NRXN3: variants seen among roughly 807,000 people sequenced by gnomAD.
The protein encoded by NRXN3 is neurexin III.
In NRXN3, 32 loss-of-function variants were observed where a neutral mutation model predicts 137.6. The ratio of observed to expected loss-of-function variants is 0.23; its 90% CI spans 0.18 to 0.31. The LOEUF is 0.31. Ranked by LOEUF, NRXN3 falls within the 10% of genes least tolerant of loss-of-function variation. The pLI, the probability that NRXN3 is intolerant of heterozygous loss-of-function variation, is 1.00. For synonymous variants in NRXN3, 798 were observed against 784.5 expected, an observed-to-expected ratio of 1.02 and a Z score of -0.29; for missense variants, 1,574 against 2,062.5, an observed-to-expected ratio of 0.76 and a Z score of 4.59.
chr14:79,503,350 ATCT>A (rs2096843387), intron 16 of NRXN3, among the ~76,000 whole-genome samples: 1 of 152,130 alleles, frequency 6.6e-6, no homozygotes, highest in Non-Finnish European at 1.5e-5. Context: ...GAATTTACAG[ATCT>A]TCTTGAAGCA....
At chr14:79,657,255 G>A (rs1188006505) in intron 16 of NRXN3, among the ~76,000 whole-genome samples, 2 of 152,092 alleles carry the variant, frequency 1.3e-5, no homozygotes, top group Admixed American at 6.6e-5. Context: ...AAAATAATGT[G>A]GAGCCTCAAT....
intron 4 of NRXN3, among the ~76,000 whole-genome samples, chr14:78,597,200 T>C (rs2097164602): frequency 6.6e-6 from 1 of 152,206 alleles, no homozygotes; most frequent in African/African-American, 2.4e-5. Flanking sequence ...CAGGATCAGC[T>C]GATAAGGAGG....
intron 1 of NRXN3, among the ~76,000 whole-genome samples, chr14:78,180,153 T>A (rs2059686688): frequency 6.6e-6 from 1 of 152,166 alleles, no homozygotes; most frequent in South Asian, 2.1e-4. Context: ...TGGCTTGGTT[T>A]TTAAAATAAA....
intron 15 of NRXN3, among the ~76,000 whole-genome samples, chr14:79,176,178 A>G (rs2062321326): frequency 1.3e-5 from 2 of 152,192 alleles, no homozygotes; most frequent in Non-Finnish European, 2.9e-5. Flanking sequence ...CTGTTATAGC[A>G]ATTCTTAACT....
intron 3 of NRXN3, among the ~76,000 whole-genome samples, chr14:78,296,504 C>T (rs140200926): frequency 6.6e-6 from 1 of 152,126 alleles, no homozygotes; most frequent in African/African-American, 2.4e-5. Flanking sequence ...CTTACTATAC[C>T]CTTCCCCCAC....
chr14:78,611,951 C>T (rs185283454), intron 4 of NRXN3, among the ~76,000 whole-genome samples: 2 of 152,264 alleles, frequency 1.3e-5, no homozygotes, highest in Admixed American at 6.5e-5. Context: ...AAACCCAAGA[C>T]GTCTATCTGC....
intron 16 of NRXN3, among the ~76,000 whole-genome samples, chr14:79,578,808 T>A (rs1399681439): frequency 1.3e-5 from 2 of 152,132 alleles, no homozygotes; most frequent in Non-Finnish European, 2.9e-5. Context: ...AACTTTGTAG[T>A]CAGGGTGGGT....
intron 4 of NRXN3, among the ~76,000 whole-genome samples, chr14:78,368,246 A>G (rs1192468254): frequency 6.6e-6 from 1 of 152,242 alleles, no homozygotes; most frequent in African/African-American, 2.4e-5. Context: ...ATTCAAGAGC[A>G]TTTAAAAACA....
At chr14:78,879,668 T>C (rs1468284736) in intron 10 of NRXN3, among the ~76,000 whole-genome samples, 2 of 152,234 alleles carry the variant, frequency 1.3e-5, no homozygotes, top group African/African-American at 4.8e-5. Flanking sequence ...GGAATGAATC[T>C]TGTGAAAGCT....
chr14:78,578,550 A>G (rs2096959869), intron 4 of NRXN3, among the ~76,000 whole-genome samples: 1 of 152,208 alleles, frequency 6.6e-6, no homozygotes, highest in Admixed American at 6.5e-5. Flanking sequence ...TCTTTCAAGA[A>G]TATTCAAAAA....
intron 4 of NRXN3, among the ~76,000 whole-genome samples, chr14:78,309,352 A>G (rs1192858827): frequency 1.3e-4 from 20 of 151,944 alleles, no homozygotes; most frequent in Admixed American, 1.3e-3. Context: ...TTATACAGGT[A>G]AATTGTGTGC....
intron 15 of NRXN3, among the ~76,000 whole-genome samples, chr14:79,308,977 T>A (rs1359686409): frequency 2.2e-5 from 3 of 135,640 alleles, no homozygotes; most frequent in African/African-American, 5.5e-5. Flanking sequence ...CATGTGCACA[T>A]TGTGCAGGTT....
At chr14:78,384,142 T>G (rs1210632191) in intron 4 of NRXN3, among the ~76,000 whole-genome samples, 1 of 152,152 alleles carries the variant, frequency 6.6e-6, no homozygotes, top group African/African-American at 2.4e-5. Context: ...TAGGAACCAA[T>G]GGGACTTTGG....
chr14:78,630,597 CTT>C (rs370862037), intron 4 of NRXN3, among the ~76,000 whole-genome samples: 59 of 127,792 alleles, frequency 4.6e-4, no homozygotes, highest in African/African-American at 1.2e-3. Context: ...TTCTTTCTTT[CTT>C]TTTTTTTTTT....
intron 20 of NRXN3, among the ~76,000 whole-genome samples, chr14:79,825,481 A>G (rs978280259): frequency 3.3e-5 from 5 of 152,192 alleles, no homozygotes; most frequent in African/African-American, 1.2e-4. Flanking sequence ...GCCCTGTTTT[A>G]AAACGATGCA....
intron 20 of NRXN3, among the ~76,000 whole-genome samples, chr14:79,858,702 G>A (rs1483699262): frequency 1.3e-5 from 2 of 151,682 alleles, no homozygotes; most frequent in Admixed American, 6.6e-5. Context: ...AAATCCTTAC[G>A]GAAGCTTTAG....
intron 4 of NRXN3, among the ~76,000 whole-genome samples, chr14:78,595,144 T>C (rs2097148604): frequency 1.3e-5 from 2 of 152,138 alleles, no homozygotes; most frequent in Admixed American, 1.3e-4. Context: ...GAGGCAACTG[T>C]AGTTGGGTGG....
At chr14:79,812,702 A>G (rs548317577) in intron 20 of NRXN3, among the ~76,000 whole-genome samples, 2 of 152,314 alleles carry the variant, frequency 1.3e-5, no homozygotes, top group East Asian at 3.9e-4. Context: ...AAAAAAAGCA[A>G]CACTCTTTTG....
chr14:78,852,912 C>T (rs570963362), intron 10 of NRXN3, among the ~76,000 whole-genome samples: 31 of 149,688 alleles, frequency 2.1e-4, no homozygotes, highest in African/African-American at 5.9e-4. Flanking sequence ...TAATTTTTAG[C>T]TTTCTCAAAT....
Sources: allele counts gnomAD v4.1 joint callset (sites outside exome capture counted in the v4.1 genomes callset), GRCh38; gene constraint gnomAD v4.1.1; transcripts MANE v1.5; gene names NCBI Gene and HGNC (gene_info 2026-07-23, HGNC 2026-07-21).